The following CTXND2 variants were observed in gnomAD, a reference collection of about 807,000 sequenced individuals.
CTXND2 encodes the protein cortexin domain containing 2.
chr1:150,903,534 T>G (rs1429147867), intron 1 of CTXND2, among the ~76,000 whole-genome samples: 1 of 152,178 alleles, frequency 6.6e-6, no homozygotes, highest in Non-Finnish European at 1.5e-5. Context: ...ACATGGTGGC[T>G]CACGCCTGTA....
At position 150,906,328 on chromosome 1, in the gene CTXND2, T is replaced by A. The variant is rs587764607; in HGVS notation, c.-73-5914T>A. Among the ~76,000 whole-genome samples the A allele has an allele frequency of 4.6e-5, 7 of 151,920 alleles. No individual in the cohort carries two copies. In the South Asian group the frequency reaches 1.5e-3, roughly 32 times the overall value. On this transcript the variant is annotated intron_variant, in intron 1 of 1. Coordinates refer to ENST00000636087, the Ensembl canonical transcript of CTXND2. ...ACAACAACAACAACAACAAAAAGAA[T>A]GAACTGGGAGGGCAACTGGGAATTC...
chr1:150,912,194 CACAT>C, intron 1 of CTXND2, 44 bp from the exon 2 acceptor site: 1 of 396,990 alleles, frequency 2.5e-6, no homozygotes, highest in East Asian at 3.6e-5. Flanking sequence ...ATTAAGAAAA[CACAT>C]ACACACACAA....
At chr1:150,897,377 T>G (rs1668926215) in intron 1 of CTXND2, among the ~76,000 whole-genome samples, 1 of 152,136 alleles carries the variant, frequency 6.6e-6, no homozygotes. Context: ...CAGGCTGGAG[T>G]GCAGTGGCAC....
intron 1 of CTXND2, among the ~76,000 whole-genome samples, chr1:150,903,269 G>C (rs1571603295): frequency 6.6e-6 from 1 of 151,742 alleles, no homozygotes; most frequent in East Asian, 1.9e-4. Flanking sequence ...TTTATTGAGG[G>C]GTGGGGGTTG....
At chr1:150,905,882 C>T (rs1242290220) in intron 1 of CTXND2, among the ~76,000 whole-genome samples, 1 of 151,612 alleles carries the variant, frequency 6.6e-6, no homozygotes, top group Non-Finnish European at 1.5e-5. Flanking sequence ...CCCAGCTGCT[C>T]GGGAGGCTGA....
intron 1 of CTXND2, among the ~76,000 whole-genome samples, chr1:150,907,217 A>G (rs140404318): frequency 6.6e-5 from 10 of 152,314 alleles, no homozygotes; most frequent in Non-Finnish European, 1.3e-4. Flanking sequence ...AACCATTTCA[A>G]ATGTACAATT....
intron 1 of CTXND2, among the ~76,000 whole-genome samples, chr1:150,890,552 G>A (rs940289283): frequency 3.9e-5 from 6 of 152,172 alleles, no homozygotes. Context: ...TGCACAGGCT[G>A]GAGTGCAACG....
intron 1 of CTXND2, chr1:150,904,046 G>A (rs1669092058): frequency 1.5e-6 from 1 of 655,986 alleles, no homozygotes; most frequent in African/African-American, 1.8e-5. Flanking sequence ...CTCTTACACA[G>A]ATGCCAATAA....
chr1:150,892,420 C>A (rs1031269145), intron 1 of CTXND2, among the ~76,000 whole-genome samples: 4 of 151,994 alleles, frequency 2.6e-5, no homozygotes, highest in African/African-American at 9.7e-5. Flanking sequence ...TGCCCACATA[C>A]CTACCCCGTT....
chr1:150,900,079 A>C (rs1318797507), intron 1 of CTXND2, among the ~76,000 whole-genome samples: 5 of 152,220 alleles, frequency 3.3e-5, no homozygotes, highest in Non-Finnish European at 7.3e-5. Flanking sequence ...CGCCTGAGCC[A>C]GCAGCAGCAA....
chr1:150,890,791 C>G (rs1375656735), intron 1 of CTXND2, among the ~76,000 whole-genome samples: 1 of 152,186 alleles, frequency 6.6e-6, no homozygotes, highest in Non-Finnish European at 1.5e-5. Context: ...ACGAGAGCCA[C>G]CGCGCCTGGC....
chr1:150,903,800 C>CAA (rs752462474), intron 1 of CTXND2: 1,758 of 329,230 alleles, frequency 5.3e-3, no homozygotes, highest in South Asian at 7.6e-3. Flanking sequence ...AACTCCGTCT[C>CAA]AAAAAAAAAA....
chr1:150,898,836 G>C (rs1490113339), intron 1 of CTXND2, among the ~76,000 whole-genome samples: 2 of 150,414 alleles, frequency 1.3e-5, no homozygotes, highest in African/African-American at 2.4e-5. Context: ...CCAACACTCT[G>C]GGAAGCCCAG....
chr1:150,901,172 A>G (rs181940573), intron 1 of CTXND2, among the ~76,000 whole-genome samples: 21 of 151,350 alleles, frequency 1.4e-4, no homozygotes, highest in Non-Finnish European at 2.5e-4. Context: ...AGAATAAAAT[A>G]GGAATACATT....
At chr1:150,902,249 T>G (rs1346079745) in intron 1 of CTXND2, among the ~76,000 whole-genome samples, 1 of 151,660 alleles carries the variant, frequency 6.6e-6, no homozygotes, top group African/African-American at 2.4e-5. Flanking sequence ...AAAATATTTT[T>G]AAAAAACATT....
At chr1:150,901,205 AT>A (rs398089575) in intron 1 of CTXND2, among the ~76,000 whole-genome samples, 2 of 151,840 alleles carry the variant, frequency 1.3e-5, no homozygotes, top group Non-Finnish European at 2.9e-5. Flanking sequence ...TGCAAAATGT[AT>A]TCTTTGGAAG....
At chr1:150,901,606 A>T (rs1400144827) in intron 1 of CTXND2, among the ~76,000 whole-genome samples, 1 of 152,202 alleles carries the variant, frequency 6.6e-6, no homozygotes, top group African/African-American at 2.4e-5. Flanking sequence ...GCAATTTTCA[A>T]CCAGGGTGTC....
intron 1 of CTXND2, among the ~76,000 whole-genome samples, chr1:150,911,803 C>T (rs1669261371): frequency 1.3e-5 from 2 of 152,132 alleles, no homozygotes; most frequent in African/African-American, 4.8e-5. Context: ...GTAAGAATGA[C>T]AGCACAATTA....
At position 150,894,597 on chromosome 1, in the gene CTXND2, G is replaced by A. The variant is rs587710579; in HGVS notation, c.-74+7284G>A. 5.8e-4 allele frequency among the ~76,000 whole-genome samples: 88 copies of A among 152,276 alleles called. 1 individual carries two copies. The highest frequency in any genetic ancestry group is 1.9e-3 in the African/African-American group (79 of 41,550). On this transcript the variant is annotated intron_variant, in intron 1 of 1. Coordinates refer to ENST00000636087, the Ensembl canonical transcript of CTXND2. ...TATTTATTTTATTTAGCGGGTACAA[G>A]TGCAGATTTCTCACATGCATATATC...
Sources: allele counts gnomAD v4.1 joint callset (sites outside exome capture counted in the v4.1 genomes callset), GRCh38; gene constraint gnomAD v4.1.1; transcripts MANE v1.5; gene names NCBI Gene and HGNC (gene_info 2026-07-23, HGNC 2026-07-21).